Variants in TENM3 observed in about 807,000 individuals in gnomAD.
TENM3 encodes teneurin-3.
A neutral mutation model predicts 255.1 loss-of-function variants in TENM3; 63 were observed. That is an observed-to-expected ratio of 0.25 (90% CI 0.20 to 0.30). The LOEUF is 0.30. TENM3 is among the 10% of genes least tolerant of loss of function. The probability of loss-of-function intolerance (pLI) is 1.00; values close to 1 mark genes in which losing one functional copy is unlikely to be tolerated. For missense variants in TENM3, 2,929 were observed against 3,461.1 expected, an observed-to-expected ratio of 0.85 and a Z score of 3.86; for synonymous variants, 1,306 against 1,322.3, an observed-to-expected ratio of 0.99 and a Z score of 0.27.
chr4:181,486,802 G>A, the TENM3 span, among the ~76,000 whole-genome samples: 11 of 152,242 alleles, frequency 7.2e-5, no homozygotes, highest in Admixed American at 1.3e-4. Flanking sequence ...ACCTAAAGAC[G>A]ATAGCTACAC....
the TENM3 span, among the ~76,000 whole-genome samples, chr4:181,859,242 C>CAAAAAAAAAAAAAAAAAAAA: frequency 1.2e-5 from 1 of 84,142 alleles, no homozygotes; most frequent in Non-Finnish European, 2.1e-5. Context: ...GACTCGGTCT[C>CAAAAAAAAAAAAAAAAAAAA]AAAAAAAAAA....
rs117525843 is a variant in TENM3, at chr4:182,446,014, C to T, written c.511+99085C>T. 3.0e-3 allele frequency among the ~76,000 whole-genome samples: 464 copies of T among 152,264 alleles called. 7 individuals are homozygous for T. Among genetic ancestry groups the T allele is most frequent in the Admixed American group, 0.023 (350 of 15,292 alleles). On this transcript the variant is annotated intron_variant, in intron 3 of 27. Coordinates refer to ENST00000511685, the MANE Select transcript of TENM3 (RefSeq NM_001080477.4). ...TTGGTGGACTCCTGTATTTAAAAGA[C>T]GGCAGTGATTTAATGTATGCATGGG...
At chr4:182,283,932 G>A (rs374573453) in intron 1 of TENM3, among the ~76,000 whole-genome samples, 3 of 152,114 alleles carry the variant, frequency 2.0e-5, no homozygotes, top group South Asian at 2.1e-4. Context: ...GTCCAAATGC[G>A]GGTCTTTTGA....
At chr4:181,571,193 CGA>C in the TENM3 span, among the ~76,000 whole-genome samples, 1 of 151,930 alleles carries the variant, frequency 6.6e-6, no homozygotes, top group Non-Finnish European at 1.5e-5. Flanking sequence ...CTTCGGAATT[CGA>C]GGAAGCTGGA....
At chr4:181,935,785 C>T in the TENM3 span, among the ~76,000 whole-genome samples, 1 of 152,160 alleles carries the variant, frequency 6.6e-6, no homozygotes, top group Non-Finnish European at 1.5e-5. Context: ...TGCACCGATG[C>T]CTTTCCATTT....
At chr4:182,420,424 G>A (rs1227074037) in intron 3 of TENM3, among the ~76,000 whole-genome samples, 2 of 151,994 alleles carry the variant, frequency 1.3e-5, no homozygotes, top group African/African-American at 2.4e-5. Flanking sequence ...ACACACACAC[G>A]AACTACACTG....
intron 3 of TENM3, among the ~76,000 whole-genome samples, chr4:182,506,991 T>C (rs1013059341): frequency 2.0e-5 from 3 of 152,200 alleles, no homozygotes; most frequent in Non-Finnish European, 4.4e-5. Context: ...TTATCTGTCA[T>C]ATTCATGATC....
At chr4:182,492,969 G>T (rs1388039622) in intron 3 of TENM3, among the ~76,000 whole-genome samples, 1 of 151,792 alleles carries the variant, frequency 6.6e-6, no homozygotes, top group Non-Finnish European at 1.5e-5. Flanking sequence ...ATCTTTTCAA[G>T]AAGTGAAAGG....
chr4:181,600,357 C>T, the TENM3 span, among the ~76,000 whole-genome samples: 3 of 152,120 alleles, frequency 2.0e-5, no homozygotes, highest in African/African-American at 7.2e-5. Flanking sequence ...ATGGTTATCT[C>T]ATACTAAGTG....
At chr4:182,161,394 C>T (rs1364677797) in intron 1 of TENM3, among the ~76,000 whole-genome samples, 3 of 94,170 alleles carry the variant, frequency 3.2e-5, no homozygotes, top group African/African-American at 8.7e-5. Flanking sequence ...CCAGCCTGGG[C>T]GACAGAGCGA....
the TENM3 span, among the ~76,000 whole-genome samples, chr4:182,004,022 A>T: frequency 2.6e-5 from 4 of 152,064 alleles, no homozygotes; most frequent in East Asian, 1.9e-4. Flanking sequence ...AAGTAAAGAG[A>T]TATGAAGAAT....
At chr4:182,301,952 C>A (rs916195502) in intron 1 of TENM3, among the ~76,000 whole-genome samples, 1 of 152,100 alleles carries the variant, frequency 6.6e-6, no homozygotes, top group African/African-American at 2.4e-5. Context: ...CGCTCGGGTG[C>A]CTTCTGGGTT....
chr4:181,913,396 A>T, the TENM3 span, among the ~76,000 whole-genome samples: 1 of 152,188 alleles, frequency 6.6e-6, no homozygotes, highest in African/African-American at 2.4e-5. Context: ...TTACTTCTAT[A>T]GAAGGTTGCA....
intron 1 of TENM3, among the ~76,000 whole-genome samples, chr4:182,161,864 T>TATATACACAC (rs1751330881): frequency 8.5e-5 from 2 of 23,494 alleles, no homozygotes; most frequent in African/African-American, 1.8e-4. Context: ...TATATATGTG[T>TATATACACAC]ATATATGTGT....
At chr4:182,205,653 C>T (rs1291834324) in intron 1 of TENM3, among the ~76,000 whole-genome samples, 1 of 152,248 alleles carries the variant, frequency 6.6e-6, no homozygotes, top group African/African-American at 2.4e-5. Context: ...CTCATTGTGC[C>T]CTTGGCACAT....
At chr4:181,818,802 C>T in the TENM3 span, among the ~76,000 whole-genome samples, 1 of 152,046 alleles carries the variant, frequency 6.6e-6, no homozygotes, top group Non-Finnish European at 1.5e-5. Context: ...GGAGTTTCAC[C>T]ACTTTGGCCA....
intron 2 of TENM3, among the ~76,000 whole-genome samples, chr4:182,331,461 G>A (rs963744068): frequency 3.3e-5 from 5 of 152,112 alleles, no homozygotes; most frequent in East Asian, 1.9e-4. Flanking sequence ...CACAAGAAGC[G>A]CTTGAACCCT....
At chr4:182,600,899 T>TG (rs1397521753) in intron 3 of TENM3, 25 bp from the exon 4 acceptor site, 1 of 222,248 alleles carries the variant, frequency 4.5e-6, no homozygotes, top group Admixed American at 2.2e-4. Context: ...TTCTCTTTCT[T>TG]TTTTTTTTTT....
chr4:182,148,731 A>G (rs573346377), intron 1 of TENM3, among the ~76,000 whole-genome samples: 4 of 152,202 alleles, frequency 2.6e-5, no homozygotes, highest in African/African-American at 4.8e-5. Flanking sequence ...CTTAATGGAA[A>G]TGTGAAGAGA....
Sources: allele counts gnomAD v4.1 joint callset (sites outside exome capture counted in the v4.1 genomes callset), GRCh38; gene constraint gnomAD v4.1.1; transcripts MANE v1.5; gene names NCBI Gene and HGNC (gene_info 2026-07-23, HGNC 2026-07-21).